Variants in HHIPL1 observed in about 807,000 individuals in gnomAD.
HHIPL1 encodes the protein HHIP like 1.
In HHIPL1, 43 loss-of-function variants were observed where a neutral mutation model predicts 61.8. The ratio of observed to expected loss-of-function variants is 0.70; its 90% CI spans 0.55 to 0.90. HHIPL1 has a LOEUF of 0.90. Ranked by LOEUF, HHIPL1 falls within the 40% of genes least tolerant of loss-of-function variation. HHIPL1 has a pLI of 0.00. For missense variants in HHIPL1, 1,056 were observed against 1,157.7 expected (o/e 0.91, Z 1.28); for synonymous variants, 482 against 515.8 (o/e 0.93, Z 0.89).
Position 99,659,695 on chromosome 14 carries a change from C to G in HHIPL1, c.1314C>G (p.Gly438=). 6.7e-7 allele frequency: 1 copy of G among 1,501,440 alleles called. No individual in the cohort carries two copies. Among genetic ancestry groups the G allele is most frequent in the Non-Finnish European group, 8.8e-7 (1 of 1,130,784 alleles). 93.0% of individuals were successfully genotyped at this position (1,501,440 alleles called of 1,614,324 possible). ...TGGTGGAGCGCGGCGGCAACTATGGCTGGCGCGCGCGCGAAGGGTTCGAGT... is the reference window on the plus strand; with the variant it reads ...TGGTGGAGCGCGGCGGCAACTATGGGTGGCGCGCGCGCGAAGGGTTCGAGT... The part of the protein sequence containing the change: ...VDVVERGGNY[G]WRAREGFECY... Residue 438 remains glycine (G), a synonymous_variant, in exon 4 of 9, where the codon GGC becomes GGG. Transcript: ENST00000330710.
chr14:99,642,705 T>C (rs545290334), upstream of HHIPL1, among the ~76,000 whole-genome samples: 447 of 152,138 alleles, frequency 2.9e-3, 2 homozygotes, highest in African/African-American at 0.01. Flanking sequence ...TTTGTATTTT[T>C]AGTAGAGATG....
intron 6 of HHIPL1, among the ~76,000 whole-genome samples, chr14:99,663,973 CA>C (rs2056198800): frequency 6.6e-6 from 1 of 152,178 alleles, no homozygotes; most frequent in African/African-American, 2.4e-5. Context: ...AATGAAACCA[CA>C]TAATTATTTC....
intron 6 of HHIPL1, among the ~76,000 whole-genome samples, chr14:99,665,024 C>T (rs1036858028): frequency 1.3e-5 from 2 of 151,570 alleles, no homozygotes; most frequent in African/African-American, 2.4e-5. Flanking sequence ...CGGGTTCAAG[C>T]GATTCTCTCA....
At position 99,668,287 on chromosome 14, in the gene HHIPL1, A is replaced by G; in HGVS notation, c.1714A>G (p.Ile572Val). 6.2e-7 allele frequency: 1 copy of G among 1,610,072 alleles called. No homozygotes were observed. The highest frequency in any genetic ancestry group is 8.5e-7 in the Non-Finnish European group (1 of 1,176,432). Reference protein sequence around the residue: ...ATAPRGVVYKIIDASRRAPPG... With the variant: ...ATAPRGVVYKVIDASRRAPPG... Reference sequence around the variant, plus strand: ...AGCTCCACGCGGAGTTGTCTACAAAATAATTGACGCATCCAGGTGAGTCCC... The same window carrying G: ...AGCTCCACGCGGAGTTGTCTACAAAGTAATTGACGCATCCAGGTGAGTCCC... The change falls in exon 7 of 9, where the codon ATA (isoleucine) becomes GTA (valine). Residue 572 changes from isoleucine (I) to valine (V), a missense_variant. Physicochemically the swap from Ile to Val is conservative, Grantham distance 29 (BLOSUM62 3). Coordinates refer to ENST00000330710, the MANE Select transcript of HHIPL1 (RefSeq NM_001127258.3). This position sits in a 1 kb window ranked among gnomAD's most constrained non-coding sequence, Gnocchi z 4.7.
At chr14:99,605,805 G>A in the HHIPL1 span, among the ~76,000 whole-genome samples, 1 of 152,194 alleles carries the variant, frequency 6.6e-6, no homozygotes, top group South Asian at 2.1e-4. Flanking sequence ...AAGGGGAAGG[G>A]CATTCCAGGC....
At position 99,668,466 on chromosome 14, in the gene HHIPL1, C is replaced by T. The variant is rs1284949906; in HGVS notation, c.1730+163C>T. Among the ~76,000 whole-genome samples, 8 of 152,094 alleles carry T rather than the reference C, an allele frequency of 5.3e-5. No individual in the cohort carries two copies. Among genetic ancestry groups the T allele is most frequent in the Admixed American group, 2.0e-4 (3 of 15,280 alleles). ...GGGACGTGATTTGCCTCAGTTCCTC[C>T]GGCAAGGGGCAGACCCAGGATTCAG... On this transcript the variant is annotated intron_variant, in intron 7 of 8. Coordinates refer to ENST00000330710, the MANE Select transcript of HHIPL1 (RefSeq NM_001127258.3). This position sits in a 1 kb window ranked among gnomAD's most constrained non-coding sequence, Gnocchi z 4.7.
At chr14:99,642,587 G>A (rs1175743690), upstream of HHIPL1, among the ~76,000 whole-genome samples, 3 of 150,388 alleles carry the variant, frequency 2.0e-5, no homozygotes, top group East Asian at 2.0e-4. Context: ...GTGCAGTGGC[G>A]CAATCTTAGC....
the HHIPL1 span, among the ~76,000 whole-genome samples, chr14:99,636,386 G>A: frequency 2.0e-5 from 3 of 152,204 alleles, no homozygotes; most frequent in Non-Finnish European, 4.4e-5. Context: ...CCCGCATGAC[G>A]TGGCACAGGC....
the HHIPL1 span, among the ~76,000 whole-genome samples, chr14:99,639,314 A>G: frequency 6.6e-6 from 1 of 152,186 alleles, no homozygotes; most frequent in Non-Finnish European, 1.5e-5. Flanking sequence ...TCTTGTAGAC[A>G]GAATATAGTT....
chr14:99,659,525 C>T lies in HHIPL1; in HGVS notation c.1144C>T (p.Pro382Ser). The change falls in exon 4 of 9, where the codon CCC becomes TCC. Residue 382 changes from proline (P) to serine (S), a missense_variant. Pro to Ser is a moderately conservative substitution (Grantham distance 74). Coordinates refer to ENST00000330710, the MANE Select transcript of HHIPL1 (RefSeq NM_001127258.3). ...IPPDNPFVGD[P>S]AAQPEVYALG... ...GCCCGACAACCCGTTCGTGGGCGAC[C>T]CCGCGGCGCAGCCCGAGGTCTACGC... 2 of 1,542,940 alleles carry T rather than the reference C, an allele frequency of 1.3e-6. No homozygotes were observed.
intron 1 of HHIPL1, among the ~76,000 whole-genome samples, chr14:99,647,324 G>A (rs577720654): frequency 1.3e-5 from 2 of 152,314 alleles, no homozygotes; most frequent in East Asian, 3.9e-4. Context: ...CCAGCCTGGG[G>A]GCTCCTCAGG....
chr14:99,605,258 C>T, the HHIPL1 span, among the ~76,000 whole-genome samples: 2 of 152,220 alleles, frequency 1.3e-5, no homozygotes, highest in Admixed American at 6.5e-5. Flanking sequence ...GAGCCGGCCA[C>T]AGAACTCCCC....
At chr14:99,657,887 AC>A (rs761556719) in intron 3 of HHIPL1, among the ~76,000 whole-genome samples, 8 of 151,920 alleles carry the variant, frequency 5.3e-5, no homozygotes, top group Non-Finnish European at 1.2e-4. Context: ...ACATCCACAC[AC>A]ATCCACATAC....
chr14:99,674,948 C>G (rs1566819027), intron 8 of HHIPL1, 143 bp from the exon 9 acceptor site: 1 of 311,188 alleles, frequency 3.2e-6, no homozygotes, highest in Admixed American at 6.3e-5. Context: ...ATCCCGTCTT[C>G]TGGGTGTGAG....
At chr14:99,653,878 G>A (rs78228841) in intron 2 of HHIPL1, among the ~76,000 whole-genome samples, 3,926 of 152,318 alleles carry the variant, frequency 0.026, 360 homozygotes, top group East Asian at 0.23. Context: ...CTGGGAGTCA[G>A]TTACTCATGT....
chr14:99,619,672 T>A, the HHIPL1 span, among the ~76,000 whole-genome samples: 2 of 151,928 alleles, frequency 1.3e-5, no homozygotes, highest in Admixed American at 6.6e-5. Flanking sequence ...GATGTCAAAG[T>A]TCAGGAAGCC....
the HHIPL1 span, among the ~76,000 whole-genome samples, chr14:99,628,350 C>A: frequency 2.6e-5 from 4 of 152,230 alleles, no homozygotes; most frequent in South Asian, 8.3e-4. Context: ...GAAGCCGAGA[C>A]GGGTGAATCA....
At chr14:99,669,212 G>T (rs777883255) in intron 7 of HHIPL1, 38 of 1,220,268 alleles carry the variant, frequency 3.1e-5, no homozygotes, top group Non-Finnish European at 3.8e-5. Context: ...CCGCCCAGGT[G>T]CTGGGAATGG....
chr14:99,623,027 T>C, the HHIPL1 span, among the ~76,000 whole-genome samples: 2 of 152,242 alleles, frequency 1.3e-5, no homozygotes, highest in Admixed American at 1.3e-4. Flanking sequence ...GCAGCAATTC[T>C]GACTGGGGAG....
Sources: gnomAD v4.1 joint callset for allele counts (sites outside exome capture counted in the v4.1 genomes callset) on GRCh38, gnomAD v4.1.1 for gene constraint, Gnocchi (gnomAD v3.1) non-coding constraint, MANE v1.5 for transcripts, NCBI Gene and HGNC (gene_info 2026-07-23, HGNC 2026-07-21) for gene names.